The following TNNC1 variants were observed in gnomAD, a reference collection of about 807,000 sequenced individuals.
TNNC1 encodes troponin C, slow skeletal and cardiac muscles.
In TNNC1, 10 loss-of-function variants were observed where a neutral mutation model predicts 19.6. The ratio of observed to expected loss-of-function variants is 0.51; its 90% CI spans 0.31 to 0.87. TNNC1 has a LOEUF of 0.87. Among genes scored for constraint, TNNC1 ranks in the 40% least tolerant of loss-of-function variants. TNNC1 has a pLI of 0.04. For synonymous variants in TNNC1, 85 were observed against 80.1 expected, an observed-to-expected ratio of 1.06 and a Z score of -0.33; for missense variants, 115 against 219.8, an observed-to-expected ratio of 0.52 and a Z score of 3.02.
rs730881060 is a variant in TNNC1 at position 52,451,469 on chromosome 3, C to G, written c.376G>C (p.Glu126Gln). Residue 126 changes from glutamate (E) to glutamine (Q), a missense_variant, in exon 5 of 6, where the codon GAG becomes CAG. Physicochemically the swap from Glu to Gln is conservative, Grantham distance 29. Transcript: ENST00000232975. The surrounding 1 kb of genome is among the most constrained non-coding windows in gnomAD (Gnocchi z 4.8). ...ELKIMLQATG[E>Q]TITEDDIEEL... The stretch of plus-strand genomic sequence containing the variant: ...TCGATGTCGTCCTCCGTGATGGTCT[C>G]GCCTGTAGCCTGCAGCATTATCTTC... 1 of 1,614,138 alleles carries G rather than the reference C, an allele frequency of 6.2e-7. No homozygotes were observed. The highest frequency in any genetic ancestry group is 8.5e-7 in the Non-Finnish European group (1 of 1,180,006).
chr3:52,451,453 T>A lies in TNNC1; in HGVS notation c.392A>T (p.Asp131Val). 6.2e-7 allele frequency: 1 copy of A among 1,614,098 alleles called. No individual in the cohort carries two copies. The highest frequency in any genetic ancestry group is 8.5e-7 in the Non-Finnish European group (1 of 1,179,996). The change falls in exon 5 of 6, where the codon GAC becomes GTC. Residue 131 changes from aspartate to valine, a missense_variant. By Grantham distance (152) the Asp-to-Val change is radical. This residue lies in a region of TNNC1 where 96 missense variants were observed against 114.2 expected (regional missense o/e 0.84). Transcript: ENST00000232975. This position sits in a 1 kb window ranked among gnomAD's most constrained non-coding sequence, Gnocchi z 4.8. ...LQATGETITE[D>V]DIEELMKDGD... is the part of the protein sequence containing the mutation. ...GTCCTTCATGAGCTCCTCGATGTCG[T>A]CCTCCGTGATGGTCTCGCCTGTAGC...
chr3:52,451,939 C>T lies in TNNC1; in HGVS notation c.203-81G>A. The T allele has an allele frequency of 1.3e-6, 2 of 1,535,476 alleles. No individual in the cohort carries two copies. The highest frequency in any genetic ancestry group is 1.8e-6 in the Non-Finnish European group (2 of 1,111,100). On this transcript the variant is annotated intron_variant, in intron 3 of 5. Transcript: ENST00000232975. This position sits in a 1 kb window ranked among gnomAD's most constrained non-coding sequence, Gnocchi z 4.8. ...CCTTCGACACGAACCCCCATGTTCT[C>T]ACCGCATCCTCACACCAAACGCCAG...
In TNNC1 at chr3:52,451,136, G is replaced by C; in HGVS notation, c.*139C>G. ...GGCTTTATTTGCATCCCCCAGGACA[G>C]ATCTGGGGAGGGAGTCGGGGGATTT... On this transcript the variant is annotated 3_prime_UTR_variant, in exon 6 of 6. Coordinates refer to ENST00000232975, the MANE Select transcript of TNNC1 (RefSeq NM_003280.3). The surrounding 1 kb of genome is among the most constrained non-coding windows in gnomAD (Gnocchi z 4.8). 1.0e-6 allele frequency: 1 copy of C among 993,134 alleles called. No homozygotes were observed. Among genetic ancestry groups the C allele is most frequent in the South Asian group, 1.4e-5 (1 of 73,696 alleles). 61.5% of individuals were successfully genotyped at this position (993,134 alleles called of 1,614,324 possible). A position where few individuals can be genotyped will look rare whatever the true frequency, so the allele number is the denominator to read the frequency against.
At position 52,451,331 on chromosome 3, in the gene TNNC1, G is replaced by T. The variant is rs1024210063; in HGVS notation, c.455-25C>A. 5 of 1,613,966 alleles carry T rather than the reference G, an allele frequency of 3.1e-6. No homozygotes were observed. In the African/African-American group the frequency reaches 6.7e-5, roughly 22 times the overall value. On this transcript the variant is annotated intron_variant, in intron 5 of 5. Coordinates refer to ENST00000232975, the MANE Select transcript of TNNC1 (RefSeq NM_003280.3). This position sits in a 1 kb window ranked among gnomAD's most constrained non-coding sequence, Gnocchi z 4.8. ...TCTGTGGAAAGAGGGGCAGGTGTGGGTTGAGGGTAGGGGCTGGGCAGGGCA... is the reference window on the plus strand; with the variant it reads ...TCTGTGGAAAGAGGGGCAGGTGTGGTTTGAGGGTAGGGGCTGGGCAGGGCA...
At position 52,451,147 on chromosome 3, in the gene TNNC1, G is replaced by A. The variant is rs2153229905; in HGVS notation, c.*128C>T. ...CATCCCCCAGGACAGATCTGGGGAG[G>A]GAGTCGGGGGATTTGGGGTTGAGGA... On this transcript the variant is annotated 3_prime_UTR_variant, in exon 6 of 6. Transcript: ENST00000232975. The surrounding 1 kb of genome is among the most constrained non-coding windows in gnomAD (Gnocchi z 4.8). 9.4e-7 allele frequency: 1 copy of A among 1,061,976 alleles called. No homozygotes were observed. The highest frequency in any genetic ancestry group is 1.6e-5 in the African/African-American group (1 of 63,678). 65.8% of individuals were successfully genotyped at this position (1,061,976 alleles called of 1,614,324 possible). A position where few individuals can be genotyped will look rare whatever the true frequency, so the allele number is the denominator to read the frequency against.
intron 1 of TNNC1, among the ~76,000 whole-genome samples, chr3:52,453,090 G>A (rs529935633): frequency 5.3e-5 from 8 of 152,308 alleles, no homozygotes; most frequent in Admixed American, 2.0e-4. Context: ...TCCCAACCCC[G>A]GCTCCATGGA....
At chr3:52,453,907 C>T in intron 1 of TNNC1, 85 bp downstream of exon 1, 2 of 1,509,070 alleles carry the variant, frequency 1.3e-6, no homozygotes, top group Non-Finnish European at 1.8e-6. Flanking sequence ...CCACCACTTC[C>T]CTGGGGCTAC....
rs1189587441 is a variant in TNNC1, at chr3:52,451,243, G to A, written c.*32C>T. On this transcript the variant is annotated 3_prime_UTR_variant, in exon 6 of 6. Transcript: ENST00000232975. The surrounding 1 kb of genome is among the most constrained non-coding windows in gnomAD (Gnocchi z 4.8). ...CAGGACTCAGCTGGAGTTGGAGGCT[G>A]GGCATAGGCAGCTCTGGGTGAAGGT... 15 of 1,613,760 alleles carry A rather than the reference G, an allele frequency of 9.3e-6. No individual in the cohort carries two copies. The highest frequency in any genetic ancestry group is 1.3e-5 in the Non-Finnish European group (15 of 1,179,872).
At position 52,452,358 on chromosome 3, in the gene TNNC1, C is replaced by T; in HGVS notation, c.56-106G>A. The T allele has an allele frequency of 6.3e-7, 1 of 1,585,696 alleles. No individual in the cohort carries two copies. The highest frequency in any genetic ancestry group is 1.1e-5 in the South Asian group (1 of 90,190). ...CCAACCTGCCCACCTCCCTCGGAGA[C>T]CTCTCTGAGGGCAGAGCAAGAGGGA... On this transcript the variant is annotated intron_variant, in intron 2 of 5. Transcript: ENST00000232975. The surrounding 1 kb of genome is among the most constrained non-coding windows in gnomAD (Gnocchi z 5.2).
chr3:52,453,918 T>G (rs1311365876), intron 1 of TNNC1, 74 bp downstream of exon 1: 2 of 1,533,900 alleles, frequency 1.3e-6, no homozygotes, highest in African/African-American at 2.7e-5. Context: ...CTGGGGCTAC[T>G]AACCCCGCAC....
intron 1 of TNNC1, among the ~76,000 whole-genome samples, chr3:52,453,513 C>T (rs965317055): frequency 6.6e-6 from 1 of 152,148 alleles, no homozygotes; most frequent in African/African-American, 2.4e-5. Context: ...CCTCTCACAC[C>T]CTCCACCCTC....
In TNNC1 at chr3:52,452,851, A is replaced by AGGC; in HGVS notation, c.25-339_25-338insGCC. ...GGACAGCTGTCCCTCAAGTTGGGAT[A>AGGC]ATAAAACCAGTGTGGAGGCAGGCAA... On this transcript the variant is annotated intron_variant, in intron 1 of 5. Transcript: ENST00000232975. The surrounding 1 kb of genome is among the most constrained non-coding windows in gnomAD (Gnocchi z 5.2). The AGGC allele has an allele frequency of 2.3e-6, 1 of 434,320 alleles. No homozygotes were observed. The highest frequency in any genetic ancestry group is 2.3e-5 in the South Asian group (1 of 44,388). The allele number at this position is 434,320 out of a possible 1,614,324, so 26.9% of individuals were successfully genotyped here.
chr3:52,454,036 C>A lies in TNNC1; in HGVS notation c.-21G>T. 6.4e-7 allele frequency: 1 copy of A among 1,569,888 alleles called. No individual in the cohort carries two copies. The highest frequency in any genetic ancestry group is 8.6e-7 in the Non-Finnish European group (1 of 1,156,192). ...TCCATGCTGGCGGCTCACAGGACAG[C>A]TTGCTGGGGTTGCCAGCCGGCCCTT... On this transcript the variant is annotated 5_prime_UTR_variant, in exon 1 of 6. Coordinates refer to ENST00000232975, the MANE Select transcript of TNNC1 (RefSeq NM_003280.3).
In TNNC1 at chr3:52,452,824, A is replaced by C. The variant is rs1706348836; in HGVS notation, c.25-311T>G. Reference sequence around the variant, plus strand: ...GATGAAACTCAAGCTGGGTGGCCCGAAGGACAGCTGTCCCTCAAGTTGGGA... The same window carrying C: ...GATGAAACTCAAGCTGGGTGGCCCGCAGGACAGCTGTCCCTCAAGTTGGGA... On this transcript the variant is annotated intron_variant, in intron 1 of 5. Transcript: ENST00000232975. The surrounding 1 kb of genome is among the most constrained non-coding windows in gnomAD (Gnocchi z 5.2). 1 of 485,340 alleles carries C rather than the reference A, an allele frequency of 2.1e-6. No individual in the cohort carries two copies. The highest frequency in any genetic ancestry group is 2.0e-5 in the African/African-American group (1 of 51,166). 30.1% of individuals were successfully genotyped at this position (485,340 alleles called of 1,614,324 possible).
In TNNC1 at chr3:52,451,148, G is replaced by T; in HGVS notation, c.*127C>A. On this transcript the variant is annotated 3_prime_UTR_variant, in exon 6 of 6. Transcript: ENST00000232975. The surrounding 1 kb of genome is among the most constrained non-coding windows in gnomAD (Gnocchi z 4.8). ...ATCCCCCAGGACAGATCTGGGGAGG[G>T]AGTCGGGGGATTTGGGGTTGAGGAC... 9.3e-7 allele frequency: 1 copy of T among 1,070,044 alleles called. No individual in the cohort carries two copies. Among genetic ancestry groups the T allele is most frequent in the South Asian group, 1.3e-5 (1 of 76,012 alleles). The allele number at this position is 1,070,044 out of a possible 1,614,324, so 66.3% of individuals were successfully genotyped here. A position where few individuals can be genotyped will look rare whatever the true frequency, so the allele number is the denominator to read the frequency against.
rs999788047 is a variant in TNNC1 at position 52,452,792 on chromosome 3, G to A, written c.25-279C>T. On this transcript the variant is annotated intron_variant, in intron 1 of 5. Coordinates refer to ENST00000232975, the MANE Select transcript of TNNC1 (RefSeq NM_003280.3). This position sits in a 1 kb window ranked among gnomAD's most constrained non-coding sequence, Gnocchi z 5.2. ...GTCAGTGACCACTCAATGCCCTTTCGGCCCCTGATGAAACTCAAGCTGGGT... is the reference window on the plus strand; with the variant it reads ...GTCAGTGACCACTCAATGCCCTTTCAGCCCCTGATGAAACTCAAGCTGGGT... The A allele has an allele frequency of 7.4e-6, 4 of 537,308 alleles. No individual in the cohort carries two copies. The highest frequency in any genetic ancestry group is 6.3e-5 in the Admixed American group (2 of 31,824). 33.3% of individuals were successfully genotyped at this position (537,308 alleles called of 1,614,324 possible).
rs1057521396 is a variant in TNNC1, at chr3:52,453,986, C to T, written c.24+6G>A. On this transcript the variant is annotated splice_donor_region_variant and intron_variant, in intron 1 of 5. Coordinates refer to ENST00000232975, the MANE Select transcript of TNNC1 (RefSeq NM_003280.3). ...CACCCCAGCCCTACCCAGCCCTGTC[C>T]CTCACCGCAGCCTTGTAGATGTCAT... 6.3e-7 allele frequency: 1 copy of T among 1,586,456 alleles called. No individual in the cohort carries two copies.
chr3:52,451,366 G>A lies in TNNC1; in HGVS notation c.454+25C>T. On this transcript the variant is annotated intron_variant, in intron 5 of 5. Transcript: ENST00000232975. This position sits in a 1 kb window ranked among gnomAD's most constrained non-coding sequence, Gnocchi z 4.8. ...GGGGCTGGGCAGGGCATGGAGGCAG[G>A]AGATCAGCCCACCCACCCGCTTACC... 6.2e-7 allele frequency: 1 copy of A among 1,614,092 alleles called. No individual in the cohort carries two copies. Among genetic ancestry groups the A allele is most frequent in the South Asian group, 1.1e-5 (1 of 91,080 alleles).
Position 52,451,311 on chromosome 3 carries a change from G to A in TNNC1, c.455-5C>T, listed in dbSNP as rs2153229913. 1 of 1,614,088 alleles carries A rather than the reference G, an allele frequency of 6.2e-7. No homozygotes were observed. Among genetic ancestry groups the A allele is most frequent in the South Asian group, 1.1e-5 (1 of 91,082 alleles). On this transcript the variant is annotated splice_polypyrimidine_tract_variant and splice_region_variant and intron_variant, in intron 5 of 5. Coordinates refer to ENST00000232975, the MANE Select transcript of TNNC1 (RefSeq NM_003280.3). The surrounding 1 kb of genome is among the most constrained non-coding windows in gnomAD (Gnocchi z 4.8). ...CCTTCATGAACTCCAGGAACTCTGT[G>A]GAAAGAGGGGCAGGTGTGGGTTGAG...
Sources: gnomAD v4.1 joint callset for allele counts (sites outside exome capture counted in the v4.1 genomes callset) on GRCh38, gnomAD v4.1.1 for gene constraint, gnomAD v4.1.1 regional missense constraint, Gnocchi (gnomAD v3.1) non-coding constraint, MANE v1.5 for transcripts, NCBI Gene and HGNC (gene_info 2026-07-23, HGNC 2026-07-21) for gene names.